DBN1: variants seen among roughly 807,000 people sequenced by gnomAD.
The protein encoded by DBN1 is drebrin 1.
A neutral mutation model predicts 83.5 loss-of-function variants in DBN1; 21 were observed. The ratio of observed to expected loss-of-function variants is 0.25; its 90% confidence interval spans 0.18 to 0.36. The LOEUF is 0.36. Among genes scored for constraint, DBN1 ranks in the 10% least tolerant of loss-of-function variants. The pLI is 1.00. For synonymous variants in DBN1, 381 were observed against 384.9 expected (o/e 0.99, Z 0.12); for missense variants, 874 against 935.7 (o/e 0.93, Z 0.86).
At chr5:177,463,641 A>C (rs335467) in intron 8 of DBN1, among the ~76,000 whole-genome samples, 1 of 151,998 alleles carries the variant, frequency 6.6e-6, no homozygotes. Context: ...AAAGGGTACC[A>C]CACTGACCTG....
At chr5:177,469,569 C>A (rs951208439) in intron 1 of DBN1, among the ~76,000 whole-genome samples, 1 of 152,224 alleles carries the variant, frequency 6.6e-6, no homozygotes, top group African/African-American at 2.4e-5. Context: ...TCCAGGCCTT[C>A]CAGCCCCTAG....
intron 12 of DBN1, 64 bp downstream of exon 12, chr5:177,459,034 A>T: frequency 2.6e-6 from 4 of 1,539,738 alleles, no homozygotes; most frequent in Non-Finnish European, 2.6e-6. Flanking sequence ...TACCATGGCA[A>T]CCTGGGGCTC....
At position 177,458,336 on chromosome 5, in the gene DBN1, A is replaced by C; in HGVS notation, c.1636T>G (p.Ser546Ala). 1 of 1,613,174 alleles carries C rather than the reference A, an allele frequency of 6.2e-7. No homozygotes were observed. The change falls in exon 13 of 15, where the codon TCG becomes GCG. Residue 546 changes from serine (S) to alanine (A), a missense_variant. This residue lies in a region of DBN1 where 725 missense variants were observed against 719.7 expected (regional missense o/e 1.01). Transcript: ENST00000393565. The stretch of plus-strand genomic sequence containing the variant: ...TCTGCCAGGGTGACCTCAGTACCCG[A>C]GGGTGGCGTGGGGGCCCTGGGCTCA... The part of the protein sequence containing the change: ...QGEPRAPTPP[S>A]GTEVTLAEVP...
intron 8 of DBN1, chr5:177,462,138 C>T (rs895846974): frequency 6.3e-5 from 54 of 852,200 alleles, no homozygotes; most frequent in East Asian, 1.2e-4. Context: ...GGGCAGCGCC[C>T]GCACTTGGCC....
intron 8 of DBN1, among the ~76,000 whole-genome samples, chr5:177,465,854 C>CAAAA (rs111807451): frequency 1.4e-5 from 1 of 69,874 alleles, no homozygotes. Flanking sequence ...GACTCCATCT[C>CAAAA]AAAAAAAAAA....
chr5:177,465,520 T>A (rs1246180826), intron 8 of DBN1, among the ~76,000 whole-genome samples: 2 of 152,246 alleles, frequency 1.3e-5, no homozygotes, highest in East Asian at 3.8e-4. Flanking sequence ...AATGCAGATT[T>A]TAAAATGACT....
In DBN1 at chr5:177,468,829, G is replaced by A; in HGVS notation, c.142+15C>T. ...GGGGTGGAGAAGGCGGCGAGGGAAT[G>A]GCTGGAATTCCTACCTCCTGATGCT... On this transcript the variant is annotated intron_variant, in intron 2 of 14. Transcript: ENST00000393565. The A allele has an allele frequency of 7.6e-7, 1 of 1,322,306 alleles. No homozygotes were observed. The allele number at this position is 1,322,306 out of a possible 1,614,324, so 81.9% of individuals were successfully genotyped here. A position where few individuals can be genotyped will look rare whatever the true frequency, so the allele number is the denominator to read the frequency against.
rs1757512594 is a variant in DBN1 at position 177,467,276 on chromosome 5, C to T, written c.534G>A (p.Glu178=). 1.9e-6 allele frequency: 3 copies of T among 1,614,196 alleles called. No homozygotes were observed. The highest frequency in any genetic ancestry group is 2.5e-6 in the Non-Finnish European group (3 of 1,180,008). The change falls in exon 6 of 15, where the codon GAG becomes GAA. Residue 178 remains glutamate (E), a synonymous_variant. Transcript: ENST00000393565. This position sits in a 1 kb window ranked among gnomAD's most constrained non-coding sequence, Gnocchi z 9.1. ...ATACCTTGGCCTGCTCCCAGAACTG[C>T]TCTCGGTTAATCCGCTTCATTTCCA... ...AAVEMKRINR[E]QFWEQAKKEE... is the part of the protein sequence containing the mutation.
At chr5:177,465,589 C>G (rs1409018564) in intron 8 of DBN1, among the ~76,000 whole-genome samples, 2 of 152,146 alleles carry the variant, frequency 1.3e-5, no homozygotes, top group African/African-American at 2.4e-5. Flanking sequence ...GGCGCGGTGG[C>G]TCACGTCTAT....
intron 8 of DBN1, among the ~76,000 whole-genome samples, chr5:177,461,683 T>C (rs1757054671): frequency 1.3e-5 from 2 of 152,152 alleles, no homozygotes; most frequent in South Asian, 4.1e-4. Flanking sequence ...ATGCTCCCAA[T>C]GTTGCTGCCT....
chr5:177,465,639 C>T (rs540435359), intron 8 of DBN1, among the ~76,000 whole-genome samples: 13 of 151,928 alleles, frequency 8.6e-5, no homozygotes, highest in Non-Finnish European at 1.5e-4. Flanking sequence ...GCAGATCAAC[C>T]GAGGTCAGGA....
rs200687613 is a variant in DBN1, at chr5:177,458,515, G to A, written c.1457C>T (p.Thr486Ile). 3.1e-6 allele frequency: 5 copies of A among 1,614,166 alleles called. No homozygotes were observed. Among genetic ancestry groups the A allele is most frequent in the African/African-American group, 1.3e-5 (1 of 75,054 alleles). Reference protein sequence around the residue: ...AVLAAPVEPATADATEIHDAA... With the variant: ...AVLAAPVEPAIADATEIHDAA... The stretch of plus-strand genomic sequence containing the variant: ...ATCGTGGATCTCCGTGGCGTCAGCT[G>A]TGGCAGGCTCCACGGGAGCAGCCAG... Residue 486 changes from threonine (T) to isoleucine (I), a missense_variant, in exon 13 of 15, where the codon ACA becomes ATA. By Grantham distance (89) the Thr-to-Ile change is moderately conservative (BLOSUM62 -1). This residue lies in a region of DBN1 where 725 missense variants were observed against 719.7 expected (regional missense o/e 1.01). Transcript: ENST00000393565.
chr5:177,463,105 C>T (rs1179316387), intron 8 of DBN1, among the ~76,000 whole-genome samples: 2 of 151,132 alleles, frequency 1.3e-5, no homozygotes, highest in African/African-American at 2.5e-5. Flanking sequence ...GGCGAGATCT[C>T]GGCTCACTGC....
intron 1 of DBN1, chr5:177,472,018 C>A: frequency 7.3e-7 from 1 of 1,368,412 alleles, no homozygotes; most frequent in South Asian, 1.5e-5. Context: ...CGGCCACTTG[C>A]CCAGAGCTCC....
intron 1 of DBN1, among the ~76,000 whole-genome samples, chr5:177,470,836 G>GA (rs1236509672): frequency 6.6e-6 from 1 of 152,182 alleles, no homozygotes; most frequent in Non-Finnish European, 1.5e-5. Context: ...CCCGAGCCTG[G>GA]TGGTGCACCA....
At chr5:177,462,677 G>A (rs1487525928) in intron 8 of DBN1, among the ~76,000 whole-genome samples, 3 of 152,188 alleles carry the variant, frequency 2.0e-5, no homozygotes, top group African/African-American at 4.8e-5. Flanking sequence ...TGGGCAGGAG[G>A]GGCTGCTAAG....
In DBN1 at chr5:177,457,345, C is replaced by T. The variant is rs1756577797; in HGVS notation, c.*88G>A. 8 of 1,156,954 alleles carry T rather than the reference C, an allele frequency of 6.9e-6. No homozygotes were observed. Among genetic ancestry groups the T allele is most frequent in the Non-Finnish European group, 9.1e-6 (7 of 767,548 alleles). 71.7% of individuals were successfully genotyped at this position (1,156,954 alleles called of 1,614,324 possible). A position where few individuals can be genotyped will look rare whatever the true frequency, so the allele number is the denominator to read the frequency against. On this transcript the variant is annotated 3_prime_UTR_variant, in exon 15 of 15. Coordinates refer to ENST00000393565, the MANE Select transcript of DBN1 (RefSeq NM_001363541.2). The stretch of plus-strand genomic sequence containing the variant: ...CCGGAGTGGGTGCCAGGCGGAGCTG[C>T]TGCGAATGCAGGCACGGCGGGCCGT...
intron 8 of DBN1, among the ~76,000 whole-genome samples, chr5:177,464,030 G>A (rs984136692): frequency 1.2e-4 from 18 of 151,854 alleles, no homozygotes; most frequent in South Asian, 8.3e-4. Context: ...CAGGAGAATC[G>A]CTTGAACCCA....
chr5:177,459,861 C>T, intron 10 of DBN1, 121 bp from the exon 11 acceptor site: 1 of 1,164,182 alleles, frequency 8.6e-7, no homozygotes, highest in Non-Finnish European at 1.2e-6. Context: ...CTGCCTTCAG[C>T]CAGGGGCACA....
Sources: allele counts gnomAD v4.1 joint callset (sites outside exome capture counted in the v4.1 genomes callset), GRCh38; gene constraint gnomAD v4.1.1; regional missense constraint gnomAD v4.1.1; non-coding constraint Gnocchi (gnomAD v3.1); transcripts MANE v1.5; gene names NCBI Gene and HGNC (gene_info 2026-07-23, HGNC 2026-07-21).